The following THSD7B variants were observed in gnomAD, a reference collection of about 807,000 sequenced individuals.
THSD7B encodes thrombospondin type-1 domain-containing protein 7B.
In THSD7B, 138 loss-of-function variants were observed where a neutral mutation model predicts 213.6. The ratio of observed to expected loss-of-function variants is 0.65; its 90% CI spans 0.56 to 0.74. THSD7B has a LOEUF of 0.74. Ranked by LOEUF, THSD7B falls within the 30% of genes least tolerant of loss-of-function variation. The pLI is 0.00. For missense variants in THSD7B, 1,931 were observed against 1,991.5 expected (o/e 0.97, Z 0.58); for synonymous variants, 742 against 687.0 (o/e 1.08, Z -1.25).
At chr2:137,198,339 A>C (rs1257495086) in intron 7 of THSD7B, among the ~76,000 whole-genome samples, 3 of 152,148 alleles carry the variant, frequency 2.0e-5, no homozygotes, top group African/African-American at 7.2e-5. Context: ...GTAACCTGCA[A>C]CTTTATCCCT....
intron 2 of THSD7B, among the ~76,000 whole-genome samples, chr2:136,987,530 C>T (rs186764103): frequency 3.9e-5 from 6 of 152,076 alleles, no homozygotes; most frequent in African/African-American, 1.2e-4. Flanking sequence ...ATGAGGTAGC[C>T]GTGGAAGTGG....
At chr2:137,245,132 G>T (rs1301624372) in intron 10 of THSD7B, among the ~76,000 whole-genome samples, 3 of 152,094 alleles carry the variant, frequency 2.0e-5, no homozygotes, top group Admixed American at 6.6e-5. Flanking sequence ...CGCTAGATAT[G>T]TGGCCCTTCT....
At chr2:136,811,702 T>G (rs1023716332) in intron 1 of THSD7B, among the ~76,000 whole-genome samples, 2 of 152,216 alleles carry the variant, frequency 1.3e-5, no homozygotes, top group Non-Finnish European at 2.9e-5. Flanking sequence ...GAACAGTGTT[T>G]AAAATCTTTT....
At chr2:137,052,500 T>C (rs1418428530) in intron 2 of THSD7B, among the ~76,000 whole-genome samples, 1 of 152,126 alleles carries the variant, frequency 6.6e-6, no homozygotes, top group East Asian at 1.9e-4. Flanking sequence ...CATAGTTTCT[T>C]ATGTATTTCT....
intron 12 of THSD7B, among the ~76,000 whole-genome samples, chr2:137,334,183 TCTC>T (rs1394360158): frequency 2.0e-5 from 3 of 151,602 alleles, no homozygotes; most frequent in Non-Finnish European, 4.4e-5. Context: ...TCTCTCTCTC[TCTC>T]TCTCTCTCTC....
intron 15 of THSD7B, among the ~76,000 whole-genome samples, chr2:137,525,040 T>C (rs1343509319): frequency 6.6e-6 from 1 of 152,204 alleles, no homozygotes; most frequent in Non-Finnish European, 1.5e-5. Flanking sequence ...TTTTGTTGGT[T>C]GGTTGGTGTT....
At chr2:137,245,013 A>G (rs1198386918) in intron 10 of THSD7B, among the ~76,000 whole-genome samples, 1 of 152,182 alleles carries the variant, frequency 6.6e-6, no homozygotes, top group African/African-American at 2.4e-5. Context: ...GTGGTGTCCC[A>G]GAAATTTTCA....
At chr2:137,606,090 G>A (rs958770751) in intron 17 of THSD7B, among the ~76,000 whole-genome samples, 1 of 152,226 alleles carries the variant, frequency 6.6e-6, no homozygotes, top group Non-Finnish European at 1.5e-5. Context: ...CGTGAGCCAC[G>A]ACACCCGGAT....
At chr2:137,149,262 A>G (rs1679766795) in intron 5 of THSD7B, among the ~76,000 whole-genome samples, 1 of 152,104 alleles carries the variant, frequency 6.6e-6, no homozygotes, top group South Asian at 2.1e-4. Flanking sequence ...GATATATGAG[A>G]ATACCTGGAT....
intron 2 of THSD7B, among the ~76,000 whole-genome samples, chr2:136,890,302 T>TCCTCC (rs1558839754): frequency 5.2e-5 from 1 of 19,282 alleles, no homozygotes; most frequent in Non-Finnish European, 1.1e-4. Flanking sequence ...CATGTCCTAC[T>TCCTCC]CCTTCTTCTT....
At chr2:136,867,746 T>G (rs1399727083) in intron 1 of THSD7B, among the ~76,000 whole-genome samples, 3 of 152,218 alleles carry the variant, frequency 2.0e-5, no homozygotes, top group African/African-American at 4.8e-5. Context: ...GTAATTAAAC[T>G]TCTAAATGTA....
chr2:137,665,251 G>C (rs975727420), intron 26 of THSD7B, among the ~76,000 whole-genome samples: 3 of 152,148 alleles, frequency 2.0e-5, no homozygotes, highest in Non-Finnish European at 4.4e-5. Context: ...GAATTAAGTT[G>C]AGGTCCCAGG....
intron 7 of THSD7B, among the ~76,000 whole-genome samples, chr2:137,189,170 G>C (rs1680610099): frequency 6.6e-6 from 1 of 152,114 alleles, no homozygotes; most frequent in Non-Finnish European, 1.5e-5. Flanking sequence ...TTCCCTGGCT[G>C]CTGCTTTGTT....
intron 2 of THSD7B, among the ~76,000 whole-genome samples, chr2:136,889,207 C>T (rs1001660705): frequency 6.6e-6 from 1 of 152,256 alleles, no homozygotes; most frequent in Admixed American, 6.5e-5. Context: ...AACAGGCTCA[C>T]ATAGTTAAAG....
At chr2:137,091,266 G>C (rs1347764607) in intron 3 of THSD7B, among the ~76,000 whole-genome samples, 1 of 152,198 alleles carries the variant, frequency 6.6e-6, no homozygotes, top group Non-Finnish European at 1.5e-5. Flanking sequence ...GAGCAACAGA[G>C]AGTGAAAGCT....
chr2:137,234,982 C>T (rs1457234376), intron 9 of THSD7B, among the ~76,000 whole-genome samples: 2 of 152,100 alleles, frequency 1.3e-5, no homozygotes, highest in Non-Finnish European at 1.5e-5. Flanking sequence ...TATTTTTCAA[C>T]TTACCTGGTA....
At chr2:137,654,312 T>G (rs1304696478) in intron 21 of THSD7B, among the ~76,000 whole-genome samples, 1 of 152,230 alleles carries the variant, frequency 6.6e-6, no homozygotes, top group Non-Finnish European at 1.5e-5. Context: ...AGCGTGGTAC[T>G]GCTGAACAGC....
chr2:136,889,249 ATAT>A (rs1290973877), intron 2 of THSD7B, among the ~76,000 whole-genome samples: 1 of 152,174 alleles, frequency 6.6e-6, no homozygotes, highest in African/African-American at 2.4e-5. Context: ...TTATAACAAG[ATAT>A]TATAGTTATA....
chr2:137,558,467 T>G (rs1002192586), intron 15 of THSD7B, among the ~76,000 whole-genome samples: 1 of 152,116 alleles, frequency 6.6e-6, no homozygotes, highest in Non-Finnish European at 1.5e-5. Flanking sequence ...AAAAACCACG[T>G]GATTATCTCA....
Sources: gnomAD v4.1 joint callset for allele counts (sites outside exome capture counted in the v4.1 genomes callset) on GRCh38, gnomAD v4.1.1 for gene constraint, MANE v1.5 for transcripts, NCBI Gene and HGNC (gene_info 2026-07-23, HGNC 2026-07-21) for gene names.